Variants in RBFOX1 observed in about 807,000 individuals in gnomAD.
RBFOX1 encodes RNA binding protein fox-1 homolog 1.
A neutral mutation model predicts 57.7 loss-of-function variants in RBFOX1; 8 were observed. That is an observed-to-expected ratio of 0.14 (90% CI 0.08 to 0.25). RBFOX1 has a LOEUF of 0.25. Ranked by LOEUF, RBFOX1 falls within the 10% of genes least tolerant of loss-of-function variation. RBFOX1 has a pLI of 1.00. For synonymous variants in RBFOX1, 326 were observed against 222.4 expected, an observed-to-expected ratio of 1.47 and a Z score of -4.15; for missense variants, 611 against 548.5, an observed-to-expected ratio of 1.11 and a Z score of -1.14.
chr16:7,365,945 T>C (rs1433121771), intron 4 of RBFOX1, among the ~76,000 whole-genome samples: 2 of 152,114 alleles, frequency 1.3e-5, no homozygotes, highest in Non-Finnish European at 2.9e-5. Context: ...CTGCACATGG[T>C]GGGAAGTATG....
At chr16:7,678,752 A>G (rs936444845) in intron 14 of RBFOX1, among the ~76,000 whole-genome samples, 2 of 152,214 alleles carry the variant, frequency 1.3e-5, no homozygotes, top group Non-Finnish European at 2.9e-5. Context: ...ACTTGCATTC[A>G]TCTAAACATT....
chr16:6,885,182 C>T (rs1265938525), intron 3 of RBFOX1, among the ~76,000 whole-genome samples: 2 of 152,158 alleles, frequency 1.3e-5, no homozygotes, highest in Admixed American at 1.3e-4. Flanking sequence ...GGTAGTAATT[C>T]CCAATGACTG....
At chr16:5,982,980 C>T (rs922406787) in intron 4 of RBFOX1, among the ~76,000 whole-genome samples, 13 of 152,204 alleles carry the variant, frequency 8.5e-5, no homozygotes, top group African/African-American at 3.1e-4. Context: ...AGTTACCACT[C>T]CCTCTCTGCC....
chr16:7,658,730 A>C (rs954428593), intron 12 of RBFOX1, among the ~76,000 whole-genome samples: 1 of 152,126 alleles, frequency 6.6e-6, no homozygotes, highest in South Asian at 2.1e-4. Flanking sequence ...GGAGCATCAC[A>C]TGAGTTATTT....
chr16:5,393,389 G>C (rs74365161), intron 1 of RBFOX1, among the ~76,000 whole-genome samples: 3 of 152,356 alleles, frequency 2.0e-5, no homozygotes, highest in Admixed American at 2.0e-4. Flanking sequence ...GATCTGCCAA[G>C]AAGGTTGATC....
chr16:6,255,895 TGG>T (rs1397928639), intron 1 of RBFOX1, among the ~76,000 whole-genome samples: 1 of 151,052 alleles, frequency 6.6e-6, no homozygotes, highest in Non-Finnish European at 1.5e-5. Flanking sequence ...CTGTACTTGG[TGG>T]GGTGCAAAGG....
At chr16:5,362,789 T>A (rs150099269) in intron 1 of RBFOX1, among the ~76,000 whole-genome samples, 2 of 152,192 alleles carry the variant, frequency 1.3e-5, no homozygotes, top group African/African-American at 4.8e-5. Flanking sequence ...AGTGGAATCA[T>A]ATAGCATTTG....
rs558869593 is a variant in RBFOX1, at chr16:6,810,770, C to G, written c.-16+156120C>G. ...GAGAACGGAGCAAGAGCAGAGAGAA[C>G]TGCGTCATAAAACCATCAGATCTCG... On this transcript the variant is annotated intron_variant, in intron 3 of 15. Coordinates refer to ENST00000550418, the MANE Select transcript of RBFOX1 (RefSeq NM_018723.4). 1.4e-4 allele frequency among the ~76,000 whole-genome samples: 21 copies of G among 152,224 alleles called. No homozygotes were observed. In the East Asian group the frequency reaches 4.1e-3, roughly 30 times the overall value.
rs146963926 is a variant in RBFOX1 at position 7,263,631 on chromosome 16, C to T, written c.27+211533C>T. The stretch of plus-strand genomic sequence containing the variant: ...GGTAGAAAGAGGCTGGGAACGGTGG[C>T]TCACACCTGTAATCCCAGCACAGAG... On this transcript the variant is annotated intron_variant, in intron 4 of 15. Coordinates refer to ENST00000550418, the MANE Select transcript of RBFOX1 (RefSeq NM_018723.4). Among the ~76,000 whole-genome samples the T allele has an allele frequency of 4.1e-3, 626 of 152,156 alleles. 6 individuals carry two copies. The highest frequency in any genetic ancestry group is 0.014 in the African/African-American group (596 of 41,514).
intron 3 of RBFOX1, among the ~76,000 whole-genome samples, chr16:5,614,085 T>C (rs1326556101): frequency 2.6e-5 from 4 of 152,170 alleles, no homozygotes; most frequent in African/African-American, 9.7e-5. Context: ...AATGGCCACC[T>C]TTTTATAGGA....
At chr16:6,165,811 G>C (rs945238138) in intron 1 of RBFOX1, among the ~76,000 whole-genome samples, 5 of 152,202 alleles carry the variant, frequency 3.3e-5, no homozygotes, top group African/African-American at 9.6e-5. Flanking sequence ...TGAGCTGTCT[G>C]ATCACTCAAC....
chr16:6,579,753 T>A (rs967750695), intron 2 of RBFOX1, among the ~76,000 whole-genome samples: 1 of 151,950 alleles, frequency 6.6e-6, no homozygotes, highest in Non-Finnish European at 1.5e-5. Flanking sequence ...CTTGGCTAAT[T>A]TTTCAATTTT....
intron 4 of RBFOX1, among the ~76,000 whole-genome samples, chr16:7,361,218 G>C (rs916151420): frequency 1.3e-5 from 2 of 152,074 alleles, no homozygotes; most frequent in African/African-American, 4.8e-5. Flanking sequence ...TTTTATGCAG[G>C]TTCTGGGCTC....
intron 2 of RBFOX1, among the ~76,000 whole-genome samples, chr16:6,554,550 A>G (rs1446701410): frequency 6.6e-6 from 1 of 152,196 alleles, no homozygotes; most frequent in African/African-American, 2.4e-5. Context: ...CTCTATCTCA[A>G]TAAAACTGGT....
intron 4 of RBFOX1, among the ~76,000 whole-genome samples, chr16:7,297,264 C>T (rs2095914290): frequency 6.6e-6 from 1 of 152,176 alleles, no homozygotes; most frequent in African/African-American, 2.4e-5. Flanking sequence ...AGACAAACTA[C>T]CCCACCCTGT....
At chr16:6,194,687 G>T (rs2097168478) in intron 1 of RBFOX1, among the ~76,000 whole-genome samples, 1 of 152,110 alleles carries the variant, frequency 6.6e-6, no homozygotes, top group African/African-American at 2.4e-5. Flanking sequence ...TCATTTTCTG[G>T]GTTAGGGTTT....
At chr16:7,118,322 C>A (rs955627429) in intron 4 of RBFOX1, among the ~76,000 whole-genome samples, 1 of 151,986 alleles carries the variant, frequency 6.6e-6, no homozygotes, top group Non-Finnish European at 1.5e-5. Flanking sequence ...TTTTAATTTG[C>A]ATTTCCCTGA....
chr16:7,212,994 C>G (rs4396553), intron 4 of RBFOX1, among the ~76,000 whole-genome samples: 89,329 of 151,964 alleles, frequency 0.59, 26,685 homozygotes, highest in African/African-American at 0.67. Flanking sequence ...TCCTTCCAGT[C>G]ATCTTGTAAG....
At chr16:7,020,941 A>G (rs2038832435) in intron 3 of RBFOX1, among the ~76,000 whole-genome samples, 1 of 152,200 alleles carries the variant, frequency 6.6e-6, no homozygotes, top group Non-Finnish European at 1.5e-5. Context: ...AGCATGGCCA[A>G]CATGGTGAAA....
Sources: allele counts gnomAD v4.1 joint callset (sites outside exome capture counted in the v4.1 genomes callset), GRCh38; gene constraint gnomAD v4.1.1; transcripts MANE v1.5; gene names NCBI Gene and HGNC (gene_info 2026-07-23, HGNC 2026-07-21).